SOS1: variants seen among roughly 807,000 people sequenced by gnomAD.
SOS1 encodes son of sevenless homolog 1.
Under a neutral mutation model 157.6 loss-of-function variants are expected in SOS1, and 25 were observed. The observed-to-expected ratio is 0.16, with a 90% confidence interval of 0.12 to 0.22. SOS1 has a LOEUF of 0.22. Ranked by LOEUF, SOS1 falls within the 10% of genes least tolerant of loss-of-function variation. The pLI, the probability that SOS1 is intolerant of heterozygous loss-of-function variation, is 1.00. For synonymous variants in SOS1, 528 were observed against 534.0 expected (o/e 0.99, Z 0.16); for missense variants, 1,237 against 1,599.1 (o/e 0.77, Z 3.86).
chr2:39,116,042 C>G (rs12622969), intron 1 of SOS1, among the ~76,000 whole-genome samples: 30,141 of 151,868 alleles, frequency 0.2, 5,062 homozygotes, highest in African/African-American at 0.46. Flanking sequence ...TGACTGAAAA[C>G]AGCTGCCATG....
chr2:39,087,196 G>A (rs1215306921), intron 1 of SOS1, among the ~76,000 whole-genome samples: 1 of 152,176 alleles, frequency 6.6e-6, no homozygotes, highest in East Asian at 1.9e-4. Flanking sequence ...AACTGCCACA[G>A]AATCATAGAT....
intron 18 of SOS1, 91 bp from the exon 19 acceptor site, chr2:38,997,129 G>T: frequency 9.5e-7 from 1 of 1,047,408 alleles, no homozygotes; most frequent in Non-Finnish European, 1.4e-6. Flanking sequence ...TTTAATACAA[G>T]TAAATTTGAA....
chr2:39,016,546 G>A (rs1389412057), intron 10 of SOS1, among the ~76,000 whole-genome samples: 1 of 151,960 alleles, frequency 6.6e-6, no homozygotes, highest in Non-Finnish European at 1.5e-5. Flanking sequence ...TTCCTGTTCT[G>A]CAAATCTATT....
intron 1 of SOS1, among the ~76,000 whole-genome samples, chr2:39,119,993 A>C (rs1673804337): frequency 6.6e-6 from 1 of 152,232 alleles, no homozygotes; most frequent in Non-Finnish European, 1.5e-5. Flanking sequence ...CTCCGGGCTA[A>C]GACCAAGAAG....
At chr2:39,044,771 C>T (rs1388445591) in intron 6 of SOS1, among the ~76,000 whole-genome samples, 1 of 152,058 alleles carries the variant, frequency 6.6e-6, no homozygotes. Context: ...GGCACTTAAG[C>T]GTGTGTGGAT....
chr2:39,052,660 T>TTGAC (rs1228500909), intron 5 of SOS1, among the ~76,000 whole-genome samples: 1 of 152,224 alleles, frequency 6.6e-6, no homozygotes, highest in Non-Finnish European at 1.5e-5. Context: ...TTCCACTGTA[T>TTGAC]GGTCATACCA....
chr2:39,089,259 C>T (rs935654124), intron 1 of SOS1, among the ~76,000 whole-genome samples: 1 of 152,188 alleles, frequency 6.6e-6, no homozygotes, highest in Admixed American at 6.5e-5. Context: ...CACAGTGGCC[C>T]ATACCTGTAA....
rs778150279 is a variant in SOS1, at chr2:38,984,634, C to A, written c.*1190G>T. 6.6e-6 allele frequency: 1 copy of A among 152,098 alleles called. No individual in the cohort carries two copies. The highest frequency in any genetic ancestry group is 1.9e-4 in the East Asian group (1 of 5,194). The allele number at this position is 152,098 out of a possible 1,614,324, so 9.4% of individuals were successfully genotyped here. On this transcript the variant is annotated 3_prime_UTR_variant, in exon 23 of 23. Coordinates refer to ENST00000402219, the MANE Select transcript of SOS1 (RefSeq NM_005633.4). ...CTAGAAACCAAGGCGTACCACAAAACGTGCTTTTATGTTTAGTGTTTTTGT... is the reference window on the plus strand; with the variant it reads ...CTAGAAACCAAGGCGTACCACAAAAAGTGCTTTTATGTTTAGTGTTTTTGT...
At chr2:38,988,175 G>A (rs1459221711) in intron 21 of SOS1, among the ~76,000 whole-genome samples, 1 of 152,068 alleles carries the variant, frequency 6.6e-6, no homozygotes. Context: ...GCAAAAAGAG[G>A]CTCATTATAC....
Position 39,071,236 on chromosome 2 carries a change from T to G in SOS1, c.88-3483A>C, listed in dbSNP as rs565661143. Reference sequence around the variant, plus strand: ...CAATCCTGTTGCTAACTAGTAATACTGCAAATATTGAACCTGGGCCTCCTG... The same window carrying G: ...CAATCCTGTTGCTAACTAGTAATACGGCAAATATTGAACCTGGGCCTCCTG... On this transcript the variant is annotated intron_variant, in intron 1 of 22. Transcript: ENST00000402219. Among the ~76,000 whole-genome samples, 3 of 152,316 alleles carry G rather than the reference T, an allele frequency of 2.0e-5. No homozygotes were observed. In the South Asian group the frequency reaches 6.2e-4, roughly 32 times the overall value.
chr2:39,023,880 C>T, intron 9 of SOS1, 130 bp downstream of exon 9: 1 of 677,882 alleles, frequency 1.5e-6, no homozygotes. Flanking sequence ...GATGTCACTT[C>T]CTCTAAAAGA....
At chr2:39,062,775 A>G (rs1363473279) in intron 2 of SOS1, among the ~76,000 whole-genome samples, 1 of 152,066 alleles carries the variant, frequency 6.6e-6, no homozygotes, top group Non-Finnish European at 1.5e-5. Context: ...TAAGAAATTA[A>G]AGAATATACT....
At chr2:39,069,468 T>C (rs1211999818) in intron 1 of SOS1, among the ~76,000 whole-genome samples, 1 of 152,200 alleles carries the variant, frequency 6.6e-6, no homozygotes, top group African/African-American at 2.4e-5. Context: ...CATATACATT[T>C]TAAAGGCAAA....
At chr2:38,998,642 G>A (rs1668981447) in intron 17 of SOS1, among the ~76,000 whole-genome samples, 1 of 152,190 alleles carries the variant, frequency 6.6e-6, no homozygotes, top group African/African-American at 2.4e-5. Context: ...GTTGCTGTGA[G>A]AAACAAATGA....
At chr2:39,087,577 A>G (rs1419883036) in intron 1 of SOS1, among the ~76,000 whole-genome samples, 1 of 152,254 alleles carries the variant, frequency 6.6e-6, no homozygotes, top group African/African-American at 2.4e-5. Flanking sequence ...CAACTCATTC[A>G]ATCTCCAAAG....
At chr2:39,067,544 G>T in intron 2 of SOS1, 84 bp downstream of exon 2, 1 of 1,227,962 alleles carries the variant, frequency 8.1e-7, no homozygotes, top group Non-Finnish European at 1.2e-6. Flanking sequence ...TATATAGAGA[G>T]AGCAAATTCT....
At position 39,058,774 on chromosome 2, in the gene SOS1, T is replaced by C. The variant is rs397517157; in HGVS notation, c.244A>G (p.Ile82Val). The change falls in exon 3 of 23, where the codon ATT becomes GTT. Residue 82 changes from isoleucine (I) to valine (V), a missense_variant. By Grantham distance (29) the Ile-to-Val change is conservative. This residue lies in a region of SOS1 where 19 missense variants were observed against 39.4 expected (regional missense o/e 0.48). Transcript: ENST00000402219. Reference protein sequence around the residue: ...ERVQKSFPHPIDKWAIADAQS... With the variant: ...ERVQKSFPHPVDKWAIADAQS... ...GCATCAGCTATTGCCCATTTATCAA[T>C]TGGATGAGGGAAACTTTTTTGAACA... 3.5e-5 allele frequency: 57 copies of C among 1,612,340 alleles called. No individual in the cohort carries two copies. The highest frequency in any genetic ancestry group is 3.3e-4 in the Middle Eastern group (2 of 6,078).
Position 39,031,451 on chromosome 2 carries a change from C to T in SOS1, c.1074+3761G>A, listed in dbSNP as rs139740404. On this transcript the variant is annotated intron_variant, in intron 8 of 22. Coordinates refer to ENST00000402219, the MANE Select transcript of SOS1 (RefSeq NM_005633.4). Reference sequence around the variant, plus strand: ...CTAACCTTTAAAATATTGGTCAGGCCAGGTGTGGGGGCTCGCACCTATAAT... The same window carrying T: ...CTAACCTTTAAAATATTGGTCAGGCTAGGTGTGGGGGCTCGCACCTATAAT... Among the ~76,000 whole-genome samples the T allele has an allele frequency of 2.4e-4, 36 of 152,216 alleles. No homozygotes were observed. In the East Asian group the frequency reaches 5.8e-3, roughly 24 times the overall value.
At chr2:39,080,928 A>G (rs893846112) in intron 1 of SOS1, among the ~76,000 whole-genome samples, 2 of 152,130 alleles carry the variant, frequency 1.3e-5, no homozygotes, top group Non-Finnish European at 2.9e-5. Flanking sequence ...GCTCATGCCT[A>G]TAATACCAGC....
Sources: allele counts gnomAD v4.1 joint callset (sites outside exome capture counted in the v4.1 genomes callset), GRCh38; gene constraint gnomAD v4.1.1; regional missense constraint gnomAD v4.1.1; transcripts MANE v1.5; gene names NCBI Gene and HGNC (gene_info 2026-07-23, HGNC 2026-07-21).